GRB14: variants seen among roughly 807,000 people sequenced by gnomAD.
GRB14 encodes growth factor receptor-bound protein 14.
In GRB14, 38 loss-of-function variants were observed where a neutral mutation model predicts 69.1. That is an observed-to-expected ratio of 0.55 (90% confidence interval 0.42 to 0.72). The LOEUF (loss-of-function observed/expected upper bound fraction) is 0.72, where lower values mean the gene tolerates loss of function less well. Ranked by LOEUF, GRB14 falls within the 30% of genes least tolerant of loss-of-function variation. GRB14 has a pLI of 0.00. For synonymous variants in GRB14, 247 were observed against 241.3 expected, an observed-to-expected ratio of 1.02 and a Z score of -0.22; for missense variants, 666 against 666.1, an observed-to-expected ratio of 1.00 and a Z score of 0.00.
intron 2 of GRB14, among the ~76,000 whole-genome samples, chr2:164,594,068 G>A (rs193244970): frequency 6.6e-6 from 1 of 152,180 alleles, no homozygotes; most frequent in East Asian, 1.9e-4. Flanking sequence ...TAGGGGAGAA[G>A]GGGAGTCTAT....
chr2:164,602,530 G>T lies in GRB14; in HGVS notation c.324+17157C>A, dbSNP rs557240049. On this transcript the variant is annotated intron_variant, in intron 2 of 13. Transcript: ENST00000263915. The stretch of plus-strand genomic sequence containing the variant: ...TACTTCATAAGAAAGCATTATAAAA[G>T]GATTTTATTGATTATAAGCTAATGA... Among the ~76,000 whole-genome samples, 12 of 152,178 alleles carry T rather than the reference G, an allele frequency of 7.9e-5. No homozygotes were observed. The South Asian group carries it at 2.5e-3, about 32-fold the overall frequency.
intron 12 of GRB14, among the ~76,000 whole-genome samples, chr2:164,495,390 A>G (rs1027554373): frequency 7.3e-6 from 1 of 137,698 alleles, no homozygotes; most frequent in African/African-American, 2.8e-5. Flanking sequence ...ATTTAAGCAA[A>G]ATGCTTTAAG....
At chr2:164,611,852 A>T (rs4667763) in intron 2 of GRB14, among the ~76,000 whole-genome samples, 90 of 152,066 alleles carry the variant, frequency 5.9e-4, no homozygotes, top group African/African-American at 2.2e-3. Flanking sequence ...CTATATGGGA[A>T]TACCTGAACA....
intron 2 of GRB14, among the ~76,000 whole-genome samples, chr2:164,603,607 G>A (rs889212763): frequency 6.6e-6 from 1 of 151,144 alleles, no homozygotes; most frequent in Non-Finnish European, 1.5e-5. Context: ...AGGTTGCAGT[G>A]AGCCAAGGTC....
At chr2:164,543,239 T>C (rs1396967950) in intron 3 of GRB14, among the ~76,000 whole-genome samples, 2 of 151,764 alleles carry the variant, frequency 1.3e-5, no homozygotes, top group Non-Finnish European at 2.9e-5. Flanking sequence ...AGACGGAGGT[T>C]GCAGTGAGCT....
chr2:164,621,406 A>G lies in GRB14; in HGVS notation c.-97T>C. 1 of 1,033,962 alleles carries G rather than the reference A, an allele frequency of 9.7e-7. No homozygotes were observed. The highest frequency in any genetic ancestry group is 1.2e-6 in the Non-Finnish European group (1 of 810,316). 64.0% of individuals were successfully genotyped at this position (1,033,962 alleles called of 1,614,324 possible). A position where few individuals can be genotyped will look rare whatever the true frequency, so the allele number is the denominator to read the frequency against. ...GGCGAGGTGCCGGCTAGGCAGCCCG[A>G]GCGCTCTGCAGGTGTGGTGGCCTCG... is the stretch of plus-strand genomic sequence containing the variant. On this transcript the variant is annotated 5_prime_UTR_variant, in exon 1 of 14. Coordinates refer to ENST00000263915, the MANE Select transcript of GRB14 (RefSeq NM_004490.3). This position sits in a 1 kb window ranked among gnomAD's most constrained non-coding sequence, Gnocchi z 6.0.
At chr2:164,588,025 C>T (rs1307240104) in intron 2 of GRB14, among the ~76,000 whole-genome samples, 1 of 152,092 alleles carries the variant, frequency 6.6e-6, no homozygotes, top group Non-Finnish European at 1.5e-5. Context: ...CCTATCTTTC[C>T]ACATTGGAAG....
At chr2:164,605,903 G>A (rs1463639551) in intron 2 of GRB14, among the ~76,000 whole-genome samples, 1 of 152,082 alleles carries the variant, frequency 6.6e-6, no homozygotes, top group African/African-American at 2.4e-5. Context: ...ACTTCCCACA[G>A]AAATGAAAAC....
intron 2 of GRB14, among the ~76,000 whole-genome samples, chr2:164,605,942 C>T (rs930274513): frequency 6.6e-6 from 1 of 152,084 alleles, no homozygotes; most frequent in Non-Finnish European, 1.5e-5. Flanking sequence ...ATGTTTCCAC[C>T]AGAGATACCC....
intron 3 of GRB14, among the ~76,000 whole-genome samples, chr2:164,547,188 C>T (rs932452879): frequency 6.6e-6 from 1 of 152,166 alleles, no homozygotes; most frequent in Non-Finnish European, 1.5e-5. Context: ...AACAGGGAAC[C>T]TTGATCTCTC....
Position 164,508,767 on chromosome 2 carries a change from G to A in GRB14, c.902C>T (p.Pro301Leu), listed in dbSNP as rs764317240. The A allele has an allele frequency of 2.4e-5, 38 of 1,584,796 alleles. No homozygotes were observed. Among genetic ancestry groups the A allele is most frequent in the African/African-American group, 9.6e-5 (7 of 72,754 alleles). ...SLAGKKKHGA[P>L]TNYGFCFKPN... ...CTTAAAGCAGAATCCATAGTTAGTC[G>A]GTGCTCCATGTTTTTTTTTGCCTGC... The change falls in exon 7 of 14, where the codon CCG becomes CTG. Residue 301 changes from proline (P) to leucine (L), a missense_variant. By Grantham distance (98) the Pro-to-Leu change is moderately conservative. Transcript: ENST00000263915.
chr2:164,505,603 C>T (rs1296840056), intron 8 of GRB14, among the ~76,000 whole-genome samples: 1 of 152,184 alleles, frequency 6.6e-6, no homozygotes, highest in East Asian at 1.9e-4. Flanking sequence ...TTTAAAGATA[C>T]CTCAATTAAT....
At chr2:164,573,912 T>C in intron 2 of GRB14, 1 of 1,613,352 alleles carries the variant, frequency 6.2e-7, no homozygotes, top group Non-Finnish European at 8.5e-7. Flanking sequence ...GGTCATGTGG[T>C]TATGGGTAAC....
Position 164,508,855 on chromosome 2 carries a change from TAAAA to T in GRB14, c.817-7_817-4del. 7.2e-7 allele frequency: 1 copy of T among 1,385,270 alleles called. No individual in the cohort carries two copies. The highest frequency in any genetic ancestry group is 9.7e-7 in the Non-Finnish European group (1 of 1,030,544). 85.8% of individuals were successfully genotyped at this position (1,385,270 alleles called of 1,614,324 possible). On this transcript the variant is annotated splice_region_variant and splice_polypyrimidine_tract_variant and intron_variant, in intron 6 of 13. Coordinates refer to ENST00000263915, the MANE Select transcript of GRB14 (RefSeq NM_004490.3). ...AAAAACTGCAAATGCCGCGGTTCCTTAAAAAAAAAAGTATTGACATGGATACATA... is the reference window on the plus strand; with the variant it reads ...AAAAACTGCAAATGCCGCGGTTCCTTAAAAAAGTATTGACATGGATACATA...
chr2:164,548,655 G>A lies in GRB14; in HGVS notation c.325-839C>T, dbSNP rs373463646. 1.6e-4 allele frequency among the ~76,000 whole-genome samples: 25 copies of A among 152,178 alleles called. No individual in the cohort carries two copies. In the South Asian group the frequency reaches 3.9e-3, roughly 24 times the overall value. ...ATCCATACTGTTTTTCAGAATGACCGTATCAATCCACATTCTCACCAACAG... is the reference window on the plus strand; with the variant it reads ...ATCCATACTGTTTTTCAGAATGACCATATCAATCCACATTCTCACCAACAG... On this transcript the variant is annotated intron_variant, in intron 2 of 13. Coordinates refer to ENST00000263915, the MANE Select transcript of GRB14 (RefSeq NM_004490.3).
At chr2:164,552,854 G>A (rs1488107217) in intron 2 of GRB14, among the ~76,000 whole-genome samples, 2 of 152,256 alleles carry the variant, frequency 1.3e-5, no homozygotes, top group South Asian at 2.1e-4. Flanking sequence ...CAACTGCCTG[G>A]ACTAAACACT....
Position 164,591,794 on chromosome 2 carries a change from C to A in GRB14, c.324+27893G>T, listed in dbSNP as rs79919464. Among the ~76,000 whole-genome samples, 1,085 of 152,212 alleles carry A rather than the reference C, an allele frequency of 7.1e-3. 90 individuals carry two copies. In the East Asian group the frequency reaches 0.16, roughly 23 times the overall value. On this transcript the variant is annotated intron_variant, in intron 2 of 13. Transcript: ENST00000263915. Reference sequence around the variant, plus strand: ...GAGCCTGCTTCATAGACTACTGATCCCAGTGATATGGTTTTGCATTGTCCC... The same window carrying A: ...GAGCCTGCTTCATAGACTACTGATCACAGTGATATGGTTTTGCATTGTCCC...
intron 2 of GRB14, among the ~76,000 whole-genome samples, chr2:164,581,226 C>G (rs12692723): frequency 0.28 from 42,156 of 152,118 alleles, 6,025 homozygotes; most frequent in Middle Eastern, 0.37. Context: ...GAATAATTCC[C>G]CCGCCTTCAC....
intron 3 of GRB14, among the ~76,000 whole-genome samples, chr2:164,528,101 T>A (rs1687829353): frequency 6.6e-6 from 1 of 152,070 alleles, no homozygotes; most frequent in Non-Finnish European, 1.5e-5. Context: ...TCTACTTACA[T>A]AAGGTTCAAA....
Sources: allele counts gnomAD v4.1 joint callset (sites outside exome capture counted in the v4.1 genomes callset), GRCh38; gene constraint gnomAD v4.1.1; non-coding constraint Gnocchi (gnomAD v3.1); transcripts MANE v1.5; gene names NCBI Gene and HGNC (gene_info 2026-07-23, HGNC 2026-07-21).